The following SAMD4A variants were observed in gnomAD, a reference collection of about 807,000 sequenced individuals.
The protein encoded by SAMD4A is protein Smaug homolog 1.
A neutral mutation model predicts 81.3 loss-of-function variants in SAMD4A; 33 were observed. The observed-to-expected ratio is 0.41, with a 90% CI of 0.31 to 0.54. SAMD4A has a LOEUF of 0.54. Among genes scored for constraint, SAMD4A ranks in the 20% least tolerant of loss-of-function variants. SAMD4A has a pLI of 0.37. For synonymous variants in SAMD4A, 389 were observed against 382.1 expected (o/e 1.02, Z -0.21); for missense variants, 854 against 951.1 (o/e 0.90, Z 1.34).
intron 2 of SAMD4A, among the ~76,000 whole-genome samples, chr14:54,692,236 G>A (rs2036459708): frequency 6.6e-6 from 1 of 152,192 alleles, no homozygotes; most frequent in Non-Finnish European, 1.5e-5. Context: ...TGTCAGGGGT[G>A]GGATGTGTGC....
At chr14:54,752,447 A>T (rs1413963592) in intron 6 of SAMD4A, among the ~76,000 whole-genome samples, 1 of 152,312 alleles carries the variant, frequency 6.6e-6, no homozygotes, top group Non-Finnish European at 1.5e-5. Flanking sequence ...TTTAGAGGTA[A>T]CCTCTTCTAG....
At chr14:54,566,243 C>G (rs1362956378), upstream of SAMD4A, among the ~76,000 whole-genome samples, 1 of 151,312 alleles carries the variant, frequency 6.6e-6, no homozygotes, top group East Asian at 2.0e-4. Context: ...CCCCCAACCC[C>G]GCTGAGAGCC....
intron 2 of SAMD4A, among the ~76,000 whole-genome samples, chr14:54,631,826 A>G (rs898177898): frequency 6.6e-6 from 1 of 152,210 alleles, no homozygotes; most frequent in African/African-American, 2.4e-5. Context: ...TGGGACATAC[A>G]TAGCTTCTTT....
At chr14:54,722,619 C>A (rs561689991) in intron 3 of SAMD4A, among the ~76,000 whole-genome samples, 1 of 152,254 alleles carries the variant, frequency 6.6e-6, no homozygotes, top group Admixed American at 6.5e-5. Flanking sequence ...TGTTAAGTGA[C>A]CTTGGGCAAT....
chr14:54,567,625 T>G lies in SAMD4A; in HGVS notation c.-292T>G. The G allele has an allele frequency of 2.4e-6, 1 of 421,718 alleles. No individual in the cohort carries two copies. Among genetic ancestry groups the G allele is most frequent in the Non-Finnish European group, 4.2e-6 (1 of 237,898 alleles). 26.1% of individuals were successfully genotyped at this position (421,718 alleles called of 1,614,324 possible). On this transcript the variant is annotated 5_prime_UTR_variant, in exon 2 of 13. Transcript: ENST00000554335. The stretch of plus-strand genomic sequence containing the variant: ...GGGGGAGAAAGCATTCTTCATTCAG[T>G]TGTGTGCCTTGTGGGGGATTTTTAA...
chr14:54,601,961 G>A (rs1187448926), intron 2 of SAMD4A, among the ~76,000 whole-genome samples: 1 of 152,170 alleles, frequency 6.6e-6, no homozygotes, highest in African/African-American at 2.4e-5. Context: ...AACTCCGAAG[G>A]CATCTGGCAA....
chr14:54,585,416 A>G (rs547050255), intron 2 of SAMD4A, among the ~76,000 whole-genome samples: 1 of 152,242 alleles, frequency 6.6e-6, no homozygotes, highest in Non-Finnish European at 1.5e-5. Flanking sequence ...TATGTTAACC[A>G]TGACATCATT....
intron 2 of SAMD4A, among the ~76,000 whole-genome samples, chr14:54,640,850 C>T (rs916831956): frequency 1.3e-5 from 2 of 152,156 alleles, no homozygotes; most frequent in Admixed American, 6.5e-5. Context: ...ATTACATTCT[C>T]CCTGCTTCCT....
intron 2 of SAMD4A, among the ~76,000 whole-genome samples, chr14:54,656,105 G>A (rs558131774): frequency 3.6e-4 from 55 of 152,176 alleles, no homozygotes; most frequent in Non-Finnish European, 1.9e-4. Context: ...GTTTTGTGGT[G>A]GACGTGGAAA....
At chr14:54,596,930 C>T (rs1050491956) in intron 2 of SAMD4A, among the ~76,000 whole-genome samples, 4 of 152,172 alleles carry the variant, frequency 2.6e-5, no homozygotes. Context: ...CTGTTCATAG[C>T]CTTCCTGAGG....
At chr14:54,777,815 T>C (rs1046150492) in intron 11 of SAMD4A, among the ~76,000 whole-genome samples, 5 of 152,236 alleles carry the variant, frequency 3.3e-5, no homozygotes, top group African/African-American at 1.2e-4. Context: ...TCCAAAACTC[T>C]GCTCACTTTT....
At chr14:54,675,480 C>T (rs1320483994) in intron 2 of SAMD4A, among the ~76,000 whole-genome samples, 1 of 149,266 alleles carries the variant, frequency 6.7e-6, no homozygotes. Context: ...AAACTTTAAA[C>T]TTATTCCTTA....
At chr14:54,646,931 C>A (rs2035299220) in intron 2 of SAMD4A, among the ~76,000 whole-genome samples, 2 of 152,176 alleles carry the variant, frequency 1.3e-5, no homozygotes, top group South Asian at 4.1e-4. Context: ...GTTCCACTAT[C>A]CCTGAGACAA....
At position 54,567,841 on chromosome 14, in the gene SAMD4A, T is replaced by A; in HGVS notation, c.-76T>A. 6.9e-7 allele frequency: 1 copy of A among 1,445,874 alleles called. No individual in the cohort carries two copies. Among genetic ancestry groups the A allele is most frequent in the Admixed American group, 2.2e-5 (1 of 45,404 alleles). 89.6% of individuals were successfully genotyped at this position (1,445,874 alleles called of 1,614,324 possible). The stretch of plus-strand genomic sequence containing the variant: ...GCGTCTCCGGCCGCGGGGCTGCGGC[T>A]CCGCCAAACTTTGGGGCGGGCGGGG... On this transcript the variant is annotated 5_prime_UTR_variant, in exon 2 of 13. Coordinates refer to ENST00000554335, the MANE Select transcript of SAMD4A (RefSeq NM_015589.6).
chr14:54,695,953 GAAAAAAAAAAAA>G (rs35817270), intron 2 of SAMD4A, among the ~76,000 whole-genome samples: 1 of 78,280 alleles, frequency 1.3e-5, no homozygotes, highest in Non-Finnish European at 2.4e-5. Flanking sequence ...CTCCATCTCA[GAAAAAAAAAAAA>G]AAAAAAAAGA....
At chr14:54,753,824 C>A (rs1173217049) in intron 6 of SAMD4A, among the ~76,000 whole-genome samples, 1 of 152,138 alleles carries the variant, frequency 6.6e-6, no homozygotes, top group Non-Finnish European at 1.5e-5. Flanking sequence ...CCAGTTGAAC[C>A]TGAGGTTTAT....
intron 3 of SAMD4A, among the ~76,000 whole-genome samples, chr14:54,735,377 A>G (rs954990488): frequency 6.6e-6 from 1 of 152,118 alleles, no homozygotes; most frequent in Admixed American, 6.5e-5. Context: ...TATTTTTTAA[A>G]CAATGTTCCC....
intron 2 of SAMD4A, among the ~76,000 whole-genome samples, chr14:54,595,425 A>G (rs2033885992): frequency 6.8e-6 from 1 of 148,136 alleles, no homozygotes; most frequent in African/African-American, 2.4e-5. Context: ...TTATTTATAT[A>G]TATATTATTA....
At chr14:54,589,901 C>T (rs928780317) in intron 2 of SAMD4A, among the ~76,000 whole-genome samples, 2 of 152,176 alleles carry the variant, frequency 1.3e-5, no homozygotes, top group African/African-American at 4.8e-5. Flanking sequence ...CCTTCCCAAC[C>T]ATCTCTCTAA....
Sources: allele counts gnomAD v4.1 joint callset (sites outside exome capture counted in the v4.1 genomes callset), GRCh38; gene constraint gnomAD v4.1.1; transcripts MANE v1.5; gene names NCBI Gene and HGNC (gene_info 2026-07-23, HGNC 2026-07-21).